LNX1: variants seen among roughly 807,000 people sequenced by gnomAD.
LNX1 encodes ligand of numb-protein X 1, also known as E3 ubiquitin-protein ligase LNX.
In LNX1, 54 loss-of-function variants were observed where a neutral mutation model predicts 68.4. The observed-to-expected ratio is 0.79, with a 90% CI of 0.63 to 0.99. The LOEUF is 0.99. Among genes scored for constraint, LNX1 ranks in the 50% least tolerant of loss-of-function variants. The pLI is 0.00. For synonymous variants in LNX1, 336 were observed against 350.0 expected, an observed-to-expected ratio of 0.96 and a Z score of 0.45; for missense variants, 906 against 926.4, an observed-to-expected ratio of 0.98 and a Z score of 0.29.
At chr4:53,615,972 G>T (rs2109853799) in intron 2 of LNX1, among the ~76,000 whole-genome samples, 1 of 151,346 alleles carries the variant, frequency 6.6e-6, no homozygotes, top group African/African-American at 2.4e-5. Context: ...TCACCCTGTT[G>T]TGCTATCAAA....
At chr4:53,537,418 G>A (rs6827976) in intron 2 of LNX1, among the ~76,000 whole-genome samples, 124,210 of 152,174 alleles carry the variant, frequency 0.82, 51,021 homozygotes, top group Admixed American at 0.86. Context: ...ATGGAGAAGG[G>A]AGGAAGGCTG....
At chr4:53,499,899 T>G (rs528710414) in intron 4 of LNX1, among the ~76,000 whole-genome samples, 4 of 152,344 alleles carry the variant, frequency 2.6e-5, no homozygotes, top group Admixed American at 2.0e-4. Flanking sequence ...TCTAGGCTGG[T>G]GTTTTCAAAC....
Position 53,490,246 on chromosome 4 carries a change from A to G in LNX1, c.1350+5777T>C, listed in dbSNP as rs138737055. ...TTCTGCATCAAGTCTGGAATTGCCTATGGAAAAAAGGCTTAAGAGGGACAT... is the reference window on the plus strand; with the variant it reads ...TTCTGCATCAAGTCTGGAATTGCCTGTGGAAAAAAGGCTTAAGAGGGACAT... On this transcript the variant is annotated intron_variant, in intron 6 of 10. Transcript: ENST00000263925. Among the ~76,000 whole-genome samples the G allele has an allele frequency of 1.8e-4, 27 of 152,318 alleles. No homozygotes were observed. In the East Asian group the frequency reaches 5.2e-3, roughly 29 times the overall value.
chr4:53,614,103 C>A (rs1733598224), intron 2 of LNX1, among the ~76,000 whole-genome samples: 1 of 152,206 alleles, frequency 6.6e-6, no homozygotes, highest in Non-Finnish European at 1.5e-5. Flanking sequence ...TTGTTGGCTG[C>A]ATGCATGTCT....
chr4:53,478,759 A>G lies in LNX1; in HGVS notation c.1486-17T>C, dbSNP rs1723732403. The G allele has an allele frequency of 6.2e-7, 1 of 1,605,156 alleles. No individual in the cohort carries two copies. On this transcript the variant is annotated splice_polypyrimidine_tract_variant and intron_variant, in intron 7 of 10. Transcript: ENST00000263925. ...ATGGAGGGGCTGAAGGCACAGATGGAAAAACATGGCACATGAATTCACAAC... is the reference window on the plus strand; with the variant it reads ...ATGGAGGGGCTGAAGGCACAGATGGGAAAACATGGCACATGAATTCACAAC...
At chr4:53,464,900 T>A (rs1722550032) in intron 9 of LNX1, among the ~76,000 whole-genome samples, 2 of 152,176 alleles carry the variant, frequency 1.3e-5, no homozygotes, top group African/African-American at 2.4e-5. Context: ...CTCAGTGACA[T>A]GAATTCTGAA....
intron 2 of LNX1, among the ~76,000 whole-genome samples, chr4:53,566,672 C>A (rs1730716204): frequency 6.6e-6 from 1 of 151,950 alleles, no homozygotes; most frequent in Admixed American, 6.6e-5. Flanking sequence ...TGTAAATGGA[C>A]TAAATGCTCC....
intron 2 of LNX1, among the ~76,000 whole-genome samples, chr4:53,530,071 T>C (rs1324435241): frequency 6.6e-6 from 1 of 152,210 alleles, no homozygotes; most frequent in Admixed American, 6.5e-5. Context: ...AAATACTTTC[T>C]CCATCAAAAA....
In LNX1 at chr4:53,496,146, G is replaced by A; in HGVS notation, c.1227C>T (p.Phe409=). The change falls in exon 6 of 11, where the codon TTC becomes TTT. Residue 409 remains phenylalanine, a synonymous_variant. Transcript: ENST00000263925. ...RKVDEPGVFI[F]NVLDGGVAYR... ...ATGCCACACCGCCATCCAGCACATT[G>A]AAGATGAAAACCCCAGGCTCATCCA... is the stretch of plus-strand genomic sequence containing the variant. 3 of 1,614,134 alleles carry A rather than the reference G, an allele frequency of 1.9e-6. No individual in the cohort carries two copies. Among genetic ancestry groups the A allele is most frequent in the Non-Finnish European group, 2.5e-6 (3 of 1,180,014 alleles).
In LNX1 at chr4:53,591,482, G is replaced by T. The variant is rs1732503105; in HGVS notation, c.-181C>A. ...CCGAGCAGCTCCTTGGGCCGCCGGA[G>T]TTGTGACCAGCCTCAACTTCGGTGA... On this transcript the variant is annotated 5_prime_UTR_variant, in exon 1 of 11. Transcript: ENST00000263925. The T allele has an allele frequency of 1.1e-5, 11 of 985,522 alleles. 1 individual carries two copies. The South Asian group carries it at 5.2e-4, about 46-fold the overall frequency. The allele number at this position is 985,522 out of a possible 1,614,324, so 61.0% of individuals were successfully genotyped here. A position where few individuals can be genotyped will look rare whatever the true frequency, so the allele number is the denominator to read the frequency against.
At chr4:53,635,522 T>C (rs1414614286) in intron 1 of LNX1, among the ~76,000 whole-genome samples, 2 of 152,162 alleles carry the variant, frequency 1.3e-5, no homozygotes, top group Non-Finnish European at 2.9e-5. Flanking sequence ...GGTATTAATA[T>C]ATTGCAATTA....
At chr4:53,489,100 C>T (rs1053440532) in intron 6 of LNX1, among the ~76,000 whole-genome samples, 2 of 152,078 alleles carry the variant, frequency 1.3e-5, no homozygotes, top group African/African-American at 4.8e-5. Context: ...AAACTTTGGA[C>T]CCCCAGAAAA....
At chr4:53,576,384 C>T in intron 1 of LNX1, 1 of 1,574,218 alleles carries the variant, frequency 6.4e-7, no homozygotes, top group South Asian at 1.2e-5. Flanking sequence ...GCCTGCAGGA[C>T]TGACCCCTCA....
chr4:53,460,834 CAAGAT>C lies in LNX1; in HGVS notation c.*68_*72del, dbSNP rs1721899608. On this transcript the variant is annotated 3_prime_UTR_variant, in exon 11 of 11. Transcript: ENST00000263925. ...TTCTTTCTTTAAATATAAAAACTGA[CAAGAT>C]AAATATAGTGTTTCAACTTCTTAGC... The C allele has an allele frequency of 6.8e-6, 9 of 1,329,368 alleles. No individual in the cohort carries two copies. Among genetic ancestry groups the C allele is most frequent in the Admixed American group, 2.5e-5 (1 of 40,362 alleles). 82.3% of individuals were successfully genotyped at this position (1,329,368 alleles called of 1,614,324 possible).
upstream of LNX1, chr4:53,591,541 C>A (rs1357781032): frequency 4.7e-5 from 46 of 985,310 alleles, 1 homozygote; most frequent in Admixed American, 1.2e-4. Context: ...CGGCATTGGT[C>A]GCTCCAGACC....
chr4:53,549,192 C>T (rs1384365501), intron 2 of LNX1, among the ~76,000 whole-genome samples: 2 of 152,142 alleles, frequency 1.3e-5, no homozygotes, highest in African/African-American at 4.8e-5. Flanking sequence ...TAAGTTCTCC[C>T]CTTAAAGCTT....
chr4:53,586,363 A>G (rs1439684338), intron 1 of LNX1, among the ~76,000 whole-genome samples: 1 of 152,248 alleles, frequency 6.6e-6, no homozygotes, highest in African/African-American at 2.4e-5. Flanking sequence ...GCAGATAGCA[A>G]TGACATATTT....
chr4:53,620,747 A>T (rs924878141), upstream of LNX1, among the ~76,000 whole-genome samples: 1 of 151,982 alleles, frequency 6.6e-6, no homozygotes, highest in Non-Finnish European at 1.5e-5. Context: ...TGTATGAAGG[A>T]AAAAAAAGAC....
At chr4:53,541,147 G>GA (rs772889036) in intron 2 of LNX1, among the ~76,000 whole-genome samples, 28 of 144,078 alleles carry the variant, frequency 1.9e-4, no homozygotes, top group East Asian at 1.0e-3. Flanking sequence ...AAAAAAAAAA[G>GA]AAAAAAAAAA....
Sources: gnomAD v4.1 joint callset for allele counts (sites outside exome capture counted in the v4.1 genomes callset) on GRCh38, gnomAD v4.1.1 for gene constraint, MANE v1.5 for transcripts, NCBI Gene and HGNC (gene_info 2026-07-23, HGNC 2026-07-21) for gene names.